XKR4: variants seen among roughly 807,000 people sequenced by gnomAD.
XKR4 encodes XK-related protein 4.
Under a neutral mutation model 53.9 loss-of-function variants are expected in XKR4, and 12 were observed. That is an observed-to-expected ratio of 0.22 (90% CI 0.14 to 0.36). The LOEUF (loss-of-function observed/expected upper bound fraction) is 0.36. Among genes scored for constraint, XKR4 ranks in the 10% least tolerant of loss-of-function variants. The pLI is 1.00. For synonymous variants in XKR4, 354 were observed against 362.4 expected, an observed-to-expected ratio of 0.98 and a Z score of 0.26; for missense variants, 799 against 859.5, an observed-to-expected ratio of 0.93 and a Z score of 0.88.
At chr8:55,485,594 G>C (rs925210811) in intron 2 of XKR4, among the ~76,000 whole-genome samples, 1 of 152,114 alleles carries the variant, frequency 6.6e-6, no homozygotes, top group Non-Finnish European at 1.5e-5. Flanking sequence ...GGCCAGGCTG[G>C]TCTCAAACTC....
chr8:55,523,179 A>G (rs1806825017), intron 2 of XKR4, 102 bp from the exon 3 acceptor site: 8 of 899,970 alleles, frequency 8.9e-6, no homozygotes, highest in Non-Finnish European at 1.3e-5. Context: ...GTCTTTGCTG[A>G]GGTCAAAGCC....
At chr8:55,454,519 G>T in intron 2 of XKR4, 1 of 1,329,186 alleles carries the variant, frequency 7.5e-7, no homozygotes, top group East Asian at 2.5e-5. Flanking sequence ...TGCCCAGCTG[G>T]CGGAAGAGCA....
chr8:55,424,705 C>G (rs1290406105), intron 2 of XKR4, among the ~76,000 whole-genome samples: 1 of 152,202 alleles, frequency 6.6e-6, no homozygotes, highest in African/African-American at 2.4e-5. Flanking sequence ...TTTGACTCTT[C>G]TATTCACTGC....
intron 2 of XKR4, among the ~76,000 whole-genome samples, chr8:55,372,074 T>A (rs1804075890): frequency 1.3e-5 from 2 of 152,240 alleles, no homozygotes; most frequent in Middle Eastern, 3.4e-3. Context: ...GGGTCATGGA[T>A]GTGGTGGACA....
chr8:55,103,899 G>C (rs1039964399), intron 1 of XKR4, among the ~76,000 whole-genome samples: 1 of 133,558 alleles, frequency 7.5e-6, no homozygotes, highest in African/African-American at 2.8e-5. Flanking sequence ...ATATATCCCC[G>C]AGCATGATTC....
intron 1 of XKR4, among the ~76,000 whole-genome samples, chr8:55,309,810 C>T (rs1348792192): frequency 3.3e-5 from 5 of 152,144 alleles, no homozygotes; most frequent in Middle Eastern, 3.2e-3. Context: ...ATTATAGCCA[C>T]GACTATGGAT....
chr8:55,193,449 G>A (rs1411722872), intron 1 of XKR4, among the ~76,000 whole-genome samples: 1 of 151,994 alleles, frequency 6.6e-6, no homozygotes, highest in Admixed American at 6.5e-5. Context: ...TCCCTGCCCT[G>A]ACCTCTCTCT....
chr8:55,370,997 A>G (rs146927094), intron 2 of XKR4, among the ~76,000 whole-genome samples: 1,804 of 151,724 alleles, frequency 0.012, 25 homozygotes, highest in African/African-American at 0.041. Flanking sequence ...TGGAAAAGAG[A>G]GACCAAAACC....
Position 55,301,729 on chromosome 8 carries a change from C to A in XKR4, c.807-55949C>A, listed in dbSNP as rs1819202136. ...GGTATCTCATTGTGGTTTTGATTTGCATTTCTCTGATGGCCAGTGATGATG... is the reference window on the plus strand; with the variant it reads ...GGTATCTCATTGTGGTTTTGATTTGAATTTCTCTGATGGCCAGTGATGATG... On this transcript the variant is annotated intron_variant, in intron 1 of 2. Transcript: ENST00000327381. 2.6e-5 allele frequency among the ~76,000 whole-genome samples: 4 copies of A among 152,160 alleles called. No homozygotes were observed. In the South Asian group the frequency reaches 8.3e-4, roughly 32 times the overall value.
At chr8:55,220,508 T>C (rs957590077) in intron 1 of XKR4, among the ~76,000 whole-genome samples, 1 of 152,256 alleles carries the variant, frequency 6.6e-6, no homozygotes, top group African/African-American at 2.4e-5. Flanking sequence ...TAGCACCAAC[T>C]AGGCTTCATG....
At chr8:55,405,683 T>G (rs896578118) in intron 2 of XKR4, among the ~76,000 whole-genome samples, 1 of 152,246 alleles carries the variant, frequency 6.6e-6, no homozygotes, top group Non-Finnish European at 1.5e-5. Flanking sequence ...TTTTGAAATT[T>G]CTTCAACTCC....
chr8:55,160,904 CA>C (rs1816975238), intron 1 of XKR4, among the ~76,000 whole-genome samples: 2 of 152,044 alleles, frequency 1.3e-5, no homozygotes, highest in South Asian at 4.2e-4. Flanking sequence ...AAAATTCACA[CA>C]AAAAAGTTTG....
At chr8:55,498,703 G>T (rs537625762) in intron 2 of XKR4, among the ~76,000 whole-genome samples, 2 of 152,268 alleles carry the variant, frequency 1.3e-5, no homozygotes, top group African/African-American at 4.8e-5. Flanking sequence ...AGGCCAGGAG[G>T]TCAAGGGTGC....
At chr8:55,457,734 A>T (rs1348973438) in intron 2 of XKR4, among the ~76,000 whole-genome samples, 2 of 152,230 alleles carry the variant, frequency 1.3e-5, no homozygotes, top group Non-Finnish European at 2.9e-5. Context: ...TTTTCCACTT[A>T]CTTTCCTTTT....
intron 2 of XKR4, among the ~76,000 whole-genome samples, chr8:55,493,683 A>G: frequency 6.6e-6 from 1 of 152,300 alleles, no homozygotes; most frequent in Non-Finnish European, 1.5e-5. Context: ...GGTTTCTGTT[A>G]TTTTTATTTA....
intron 2 of XKR4, among the ~76,000 whole-genome samples, chr8:55,506,475 T>C (rs985670826): frequency 2.0e-5 from 3 of 152,224 alleles, no homozygotes; most frequent in African/African-American, 7.2e-5. Flanking sequence ...TATGCCTTCC[T>C]TTCTCTTAGT....
At chr8:55,362,232 G>A (rs944403089) in intron 2 of XKR4, among the ~76,000 whole-genome samples, 1 of 151,726 alleles carries the variant, frequency 6.6e-6, no homozygotes, top group African/African-American at 2.4e-5. Context: ...CTGAGTTTTA[G>A]AACAGGGAAA....
intron 1 of XKR4, among the ~76,000 whole-genome samples, chr8:55,185,394 G>A (rs988196214): frequency 1.3e-5 from 2 of 152,266 alleles, no homozygotes; most frequent in South Asian, 2.1e-4. Flanking sequence ...CTACTGATGT[G>A]CATGTATTCC....
chr8:55,426,725 G>A (rs1805020612), intron 2 of XKR4, among the ~76,000 whole-genome samples: 1 of 152,152 alleles, frequency 6.6e-6, no homozygotes, highest in African/African-American at 2.4e-5. Context: ...TGAGCCGGAG[G>A]CAACTCAACC....
Sources: allele counts gnomAD v4.1 joint callset (sites outside exome capture counted in the v4.1 genomes callset), GRCh38; gene constraint gnomAD v4.1.1; transcripts MANE v1.5; gene names NCBI Gene and HGNC (gene_info 2026-07-23, HGNC 2026-07-21).